The following SLC25A13 variants were observed in gnomAD, a reference collection of about 807,000 sequenced individuals.
SLC25A13 encodes the protein electrogenic aspartate/glutamate antiporter SLC25A13, mitochondrial.
Under a neutral mutation model 85.5 loss-of-function variants are expected in SLC25A13, and 70 were observed. The ratio of observed to expected loss-of-function variants is 0.82; its 90% CI spans 0.68 to 1.00. The LOEUF (loss-of-function observed/expected upper bound fraction) is 1.00, where lower values mean the gene tolerates loss of function less well. Ranked by LOEUF, SLC25A13 falls within the 50% of genes least tolerant of loss-of-function variation. The pLI is 0.00. For synonymous variants in SLC25A13, 259 were observed against 288.7 expected, an observed-to-expected ratio of 0.90 and a Z score of 1.04; for missense variants, 765 against 819.8, an observed-to-expected ratio of 0.93 and a Z score of 0.82.
chr7:96,143,315 C>T (rs1448807375), intron 14 of SLC25A13, among the ~76,000 whole-genome samples: 1 of 152,214 alleles, frequency 6.6e-6, no homozygotes, highest in Non-Finnish European at 1.5e-5. Flanking sequence ...TAGATGGATA[C>T]AACTTTTTTT....
chr7:96,256,855 T>A (rs536059979), intron 3 of SLC25A13, among the ~76,000 whole-genome samples: 1 of 151,606 alleles, frequency 6.6e-6, no homozygotes, highest in Non-Finnish European at 1.5e-5. Context: ...AGAATGGAAA[T>A]CAAAACAGTC....
chr7:96,154,884 G>A (rs916670647), intron 13 of SLC25A13, among the ~76,000 whole-genome samples: 2 of 149,594 alleles, frequency 1.3e-5, no homozygotes, highest in African/African-American at 2.5e-5. Context: ...TGTAACCTCC[G>A]CCTCCTGGGT....
At chr7:96,162,793 G>C (rs1238985246) in intron 13 of SLC25A13, among the ~76,000 whole-genome samples, 3 of 152,132 alleles carry the variant, frequency 2.0e-5, no homozygotes, top group African/African-American at 4.8e-5. Flanking sequence ...GAGAGACAAA[G>C]GCCAAGTAGA....
At chr7:96,210,609 C>T (rs541538624) in intron 4 of SLC25A13, among the ~76,000 whole-genome samples, 161 of 152,200 alleles carry the variant, frequency 1.1e-3, no homozygotes, top group African/African-American at 3.8e-3. Context: ...CAGTGCAAAA[C>T]ATATTAACCG....
chr7:96,237,703 G>C (rs540725864), intron 3 of SLC25A13, among the ~76,000 whole-genome samples: 9 of 152,296 alleles, frequency 5.9e-5, no homozygotes, highest in African/African-American at 2.2e-4. Flanking sequence ...AGAAAGGCTA[G>C]AGAAACACAG....
intron 5 of SLC25A13, among the ~76,000 whole-genome samples, chr7:96,205,723 C>T (rs536712006): frequency 1.3e-5 from 2 of 152,140 alleles, no homozygotes; most frequent in African/African-American, 4.8e-5. Flanking sequence ...CAAATAATAT[C>T]AAATTGATTC....
intron 2 of SLC25A13, among the ~76,000 whole-genome samples, chr7:96,279,751 G>A (rs116201701): frequency 0.011 from 1,722 of 152,104 alleles, 31 homozygotes; most frequent in African/African-American, 0.04. Context: ...TTTTAAAGTA[G>A]GTTTATCTTT....
chr7:96,121,825 C>T lies in SLC25A13; in HGVS notation c.1750+14G>A, dbSNP rs1791521687. The T allele has an allele frequency of 1.9e-5, 30 of 1,614,162 alleles. No homozygotes were observed. The highest frequency in any genetic ancestry group is 2.5e-5 in the Non-Finnish European group (29 of 1,180,024). ...GATACCAAAGAGTTAGTTAAGAACA[C>T]ATTATTTCCATACCACCAGCTCCCT... On this transcript the variant is annotated intron_variant, in intron 16 of 17. Coordinates refer to ENST00000265631, the MANE Select transcript of SLC25A13 (RefSeq NM_014251.3).
chr7:96,300,857 T>C (rs1369220046), intron 1 of SLC25A13, among the ~76,000 whole-genome samples: 1 of 152,220 alleles, frequency 6.6e-6, no homozygotes, highest in Non-Finnish European at 1.5e-5. Flanking sequence ...CTCATCTCTA[T>C]AGTAATTCCA....
intron 10 of SLC25A13, 24 bp downstream of exon 10, chr7:96,184,903 A>C (rs758996304): frequency 2.5e-6 from 4 of 1,591,388 alleles, no homozygotes; most frequent in Non-Finnish European, 3.5e-6. Context: ...AAAAGTGAAA[A>C]TTTTTCTCTC....
chr7:96,203,371 C>T (rs941960586), intron 5 of SLC25A13, among the ~76,000 whole-genome samples: 1 of 152,140 alleles, frequency 6.6e-6, no homozygotes, highest in Non-Finnish European at 1.5e-5. Context: ...AAATACGCAT[C>T]TCAGATAATT....
chr7:96,277,626 C>G (rs1798509409), intron 2 of SLC25A13, among the ~76,000 whole-genome samples: 1 of 152,094 alleles, frequency 6.6e-6, no homozygotes, highest in Non-Finnish European at 1.5e-5. Flanking sequence ...CTGGCTCCAG[C>G]AGGTAGAGGC....
intron 1 of SLC25A13, among the ~76,000 whole-genome samples, chr7:96,297,731 C>T (rs1240101534): frequency 6.6e-6 from 1 of 152,162 alleles, no homozygotes; most frequent in Non-Finnish European, 1.5e-5. Context: ...GGCATGTATA[C>T]CTCACTACCT....
chr7:96,147,115 TGAG>T (rs1401813668), intron 13 of SLC25A13, among the ~76,000 whole-genome samples: 1 of 98,168 alleles, frequency 1.0e-5, no homozygotes, highest in African/African-American at 4.9e-5. Context: ...CGTATCCAAA[TGAG>T]GAGACACAGA....
At position 96,278,195 on chromosome 7, in the gene SLC25A13, A is replaced by C. The variant is rs115359375; in HGVS notation, c.70-857T>G. Among the ~76,000 whole-genome samples the C allele has an allele frequency of 9.2e-3, 1,397 of 152,252 alleles. 23 individuals are homozygous for C. The highest frequency in any genetic ancestry group is 0.032 in the African/African-American group (1,345 of 41,540). On this transcript the variant is annotated intron_variant, in intron 2 of 17. Transcript: ENST00000265631. ...CGACATGGGATCATGTGGTGTCCTT[A>C]TGAAGCAGGAGACGGCCTCTTGATC...
intron 4 of SLC25A13, among the ~76,000 whole-genome samples, chr7:96,219,995 T>C (rs1462785475): frequency 6.6e-6 from 1 of 152,220 alleles, no homozygotes; most frequent in Non-Finnish European, 1.5e-5. Context: ...TAAATCATTA[T>C]TAGCCTTTCA....
At chr7:96,131,640 G>T in intron 15 of SLC25A13, 103 bp downstream of exon 15, 1 of 1,498,476 alleles carries the variant, frequency 6.7e-7, no homozygotes, top group South Asian at 1.1e-5. Flanking sequence ...CACATACCCT[G>T]TCAAGAACTA....
At chr7:96,296,276 T>A (rs906568210) in intron 2 of SLC25A13, among the ~76,000 whole-genome samples, 25 of 152,066 alleles carry the variant, frequency 1.6e-4, no homozygotes, top group African/African-American at 5.8e-4. Context: ...TTAAACTTCC[T>A]AGGAGAAAAA....
At chr7:96,265,979 G>C (rs1798031853) in intron 3 of SLC25A13, among the ~76,000 whole-genome samples, 1 of 152,138 alleles carries the variant, frequency 6.6e-6, no homozygotes, top group African/African-American at 2.4e-5. Flanking sequence ...TGTGAGAGCA[G>C]AGCCCTCATG....
Sources: allele counts gnomAD v4.1 joint callset (sites outside exome capture counted in the v4.1 genomes callset), GRCh38; gene constraint gnomAD v4.1.1; transcripts MANE v1.5; gene names NCBI Gene and HGNC (gene_info 2026-07-23, HGNC 2026-07-21).